The following CACNA2D1 variants were observed in gnomAD, a reference collection of about 807,000 sequenced individuals.
The protein encoded by CACNA2D1 is calcium voltage-gated channel auxiliary subunit alpha2delta 1.
CACNA2D1 carries 53 observed loss-of-function variants against 171.5 expected under a neutral mutation model. That is an observed-to-expected ratio of 0.31 (90% CI 0.25 to 0.39). CACNA2D1 has a LOEUF of 0.39. Ranked by LOEUF, CACNA2D1 falls within the 10% of genes least tolerant of loss-of-function variation. CACNA2D1 has a pLI of 1.00. For missense variants in CACNA2D1, 903 were observed against 1,299.8 expected (o/e 0.69, Z 4.69); for synonymous variants, 442 against 443.1 (o/e 1.00, Z 0.03).
rs560336931 is a variant in CACNA2D1 at position 82,377,469 on chromosome 7, GA to G, written c.96-27821del. On this transcript the variant is annotated intron_variant, in intron 1 of 38. Coordinates refer to ENST00000356860, the MANE Select transcript of CACNA2D1 (RefSeq NM_000722.4). ...GGCAGAAAAATCTAATAAAAATTATGAGAGGAATTATTTTGGCTTTTTCTCC... is the reference window on the plus strand; with the variant it reads ...GGCAGAAAAATCTAATAAAAATTATGGAGGAATTATTTTGGCTTTTTCTCC... 2.4e-3 allele frequency among the ~76,000 whole-genome samples: 368 copies of G among 152,208 alleles called. 3 individuals are homozygous for G. Among genetic ancestry groups the G allele is most frequent in the African/African-American group, 8.4e-3 (348 of 41,506 alleles).
intron 1 of CACNA2D1, among the ~76,000 whole-genome samples, chr7:82,371,343 G>A (rs1015183694): frequency 7.2e-5 from 11 of 152,110 alleles, no homozygotes; most frequent in Admixed American, 2.0e-4. Context: ...ATGAGACGAT[G>A]TGAGACAGTT....
chr7:82,277,530 T>C (rs914164507), intron 3 of CACNA2D1, among the ~76,000 whole-genome samples: 4 of 151,994 alleles, frequency 2.6e-5, no homozygotes, highest in Non-Finnish European at 5.9e-5. Context: ...ACAATGGCTA[T>C]AGACTGGAAA....
At chr7:82,348,437 T>A (rs895492971) in intron 2 of CACNA2D1, among the ~76,000 whole-genome samples, 13 of 152,146 alleles carry the variant, frequency 8.5e-5, no homozygotes, top group Non-Finnish European at 1.6e-4. Context: ...TTGTTTATCC[T>A]TGGCAGCCTG....
chr7:82,085,680 A>ACAATAGTTT (rs1206172375), intron 6 of CACNA2D1, among the ~76,000 whole-genome samples: 23 of 148,484 alleles, frequency 1.5e-4, no homozygotes, highest in Non-Finnish European at 1.7e-4. Flanking sequence ...ACCTTCATAA[A>ACAATAGTTT]CAATAGTTTT....
At chr7:82,160,250 A>C (rs57870673) in intron 4 of CACNA2D1, among the ~76,000 whole-genome samples, 57,355 of 151,256 alleles carry the variant, frequency 0.38, 10,883 homozygotes, top group Middle Eastern at 0.45. Context: ...TGAAAAGGCC[A>C]GATATTCTTA....
At chr7:82,092,032 T>C (rs1426697998) in intron 6 of CACNA2D1, among the ~76,000 whole-genome samples, 1 of 152,208 alleles carries the variant, frequency 6.6e-6, no homozygotes, top group Non-Finnish European at 1.5e-5. Flanking sequence ...TACTGTACGG[T>C]GCACATCTCC....
chr7:82,377,537 T>C (rs1384051878), intron 1 of CACNA2D1, among the ~76,000 whole-genome samples: 1 of 152,216 alleles, frequency 6.6e-6, no homozygotes, highest in Non-Finnish European at 1.5e-5. Context: ...GGTCAAGGTA[T>C]ACTCCCTCAC....
At chr7:82,080,363 A>G (rs1437116426) in intron 7 of CACNA2D1, among the ~76,000 whole-genome samples, 1 of 152,160 alleles carries the variant, frequency 6.6e-6, no homozygotes, top group Non-Finnish European at 1.5e-5. Flanking sequence ...GGTAGCTTAC[A>G]GAAGTTAAAA....
chr7:82,138,505 G>A (rs1356568784), intron 4 of CACNA2D1, among the ~76,000 whole-genome samples: 9 of 143,776 alleles, frequency 6.3e-5, no homozygotes, highest in Non-Finnish European at 1.2e-4. Flanking sequence ...GGAGTGCAGT[G>A]GCGCGATCTC....
At chr7:82,239,484 T>A (rs192116914) in intron 3 of CACNA2D1, among the ~76,000 whole-genome samples, 1 of 152,278 alleles carries the variant, frequency 6.6e-6, no homozygotes, top group Non-Finnish European at 1.5e-5. Flanking sequence ...TCATTAGTAG[T>A]GATAACAATA....
chr7:82,299,452 G>A (rs1420293748), intron 3 of CACNA2D1, among the ~76,000 whole-genome samples: 1 of 152,006 alleles, frequency 6.6e-6, no homozygotes, highest in Non-Finnish European at 1.5e-5. Context: ...CTTGAGGTCA[G>A]GAGTTCGAGA....
intron 3 of CACNA2D1, among the ~76,000 whole-genome samples, chr7:82,297,976 A>T (rs928601042): frequency 4.6e-5 from 7 of 152,162 alleles, no homozygotes; most frequent in Non-Finnish European, 1.0e-4. Flanking sequence ...AAATTTTAAT[A>T]ATTTTTTAAA....
At chr7:82,149,845 T>C (rs1379605215) in intron 4 of CACNA2D1, among the ~76,000 whole-genome samples, 1 of 150,358 alleles carries the variant, frequency 6.7e-6, no homozygotes, top group Admixed American at 6.6e-5. Context: ...TAGTCCCAGC[T>C]ACTCAGGAAG....
At chr7:82,079,051 T>C (rs535073173) in intron 7 of CACNA2D1, among the ~76,000 whole-genome samples, 1 of 152,356 alleles carries the variant, frequency 6.6e-6, no homozygotes, top group South Asian at 2.1e-4. Context: ...TCTCCATTAA[T>C]TACGGAACTA....
intron 2 of CACNA2D1, among the ~76,000 whole-genome samples, chr7:82,346,459 G>A (rs74777282): frequency 0.041 from 6,295 of 152,122 alleles, 415 homozygotes; most frequent in African/African-American, 0.13. Flanking sequence ...AGGTATAATA[G>A]CCTTAGGGAT....
intron 12 of CACNA2D1, among the ~76,000 whole-genome samples, chr7:82,022,357 G>T (rs1801333560): frequency 6.6e-6 from 1 of 151,676 alleles, no homozygotes; most frequent in Admixed American, 6.6e-5. Flanking sequence ...TAAATACTTG[G>T]TTTTTATGAA....
chr7:82,231,662 T>C (rs966420307), intron 3 of CACNA2D1, among the ~76,000 whole-genome samples: 1 of 152,084 alleles, frequency 6.6e-6, no homozygotes, highest in African/African-American at 2.4e-5. Flanking sequence ...AAACTGCCCT[T>C]ACATTTATTA....
intron 6 of CACNA2D1, among the ~76,000 whole-genome samples, chr7:82,111,424 G>GTATATATATATTAATATA (rs1563065282): frequency 2.8e-5 from 2 of 71,102 alleles, no homozygotes; most frequent in African/African-American, 1.5e-4. Context: ...GTGTATATAT[G>GTATATATATATTAATATA]TGTGTATATA....
chr7:82,376,607 C>A (rs1339727185), intron 1 of CACNA2D1, among the ~76,000 whole-genome samples: 3 of 152,186 alleles, frequency 2.0e-5, no homozygotes, highest in Admixed American at 1.3e-4. Flanking sequence ...GAATATACAT[C>A]TCTGTATATA....
Sources: gnomAD v4.1 joint callset for allele counts (sites outside exome capture counted in the v4.1 genomes callset) on GRCh38, gnomAD v4.1.1 for gene constraint, MANE v1.5 for transcripts, NCBI Gene and HGNC (gene_info 2026-07-23, HGNC 2026-07-21) for gene names.